The following CCDC171 variants were observed in gnomAD, a reference collection of about 807,000 sequenced individuals.
CCDC171 encodes the protein coiled-coil domain-containing protein 171.
Under a neutral mutation model 168.2 loss-of-function variants are expected in CCDC171, and 177 were observed. That is an observed-to-expected ratio of 1.05 (90% CI 0.93 to 1.19). The LOEUF (loss-of-function observed/expected upper bound fraction) is 1.19. CCDC171 is among the 50% of genes most tolerant of loss of function. The probability of loss-of-function intolerance (pLI) is 0.00; values close to 1 mark genes in which losing one functional copy is unlikely to be tolerated. For missense variants in CCDC171, 1,991 were observed against 1,539.0 expected (o/e 1.29, Z -4.91); for synonymous variants, 687 against 540.8 (o/e 1.27, Z -3.75).
intron 3 of CCDC171, among the ~76,000 whole-genome samples, chr9:16,016,213 C>T (rs572184022): frequency 2.6e-5 from 4 of 152,120 alleles, no homozygotes; most frequent in African/African-American, 9.6e-5. Context: ...GCAGTATATC[C>T]TGTCAAATTT....
chr9:15,714,698 A>G (rs2134086281), intron 11 of CCDC171, among the ~76,000 whole-genome samples: 1 of 152,224 alleles, frequency 6.6e-6, no homozygotes, highest in South Asian at 2.1e-4. Flanking sequence ...GCTAACAGAG[A>G]CCCATCGTCT....
chr9:15,980,275 A>G (rs1269593630), intron 3 of CCDC171, among the ~76,000 whole-genome samples: 1 of 152,192 alleles, frequency 6.6e-6, no homozygotes, highest in Non-Finnish European at 1.5e-5. Flanking sequence ...TCTGCCCCCG[A>G]ATTCAAACAA....
At chr9:16,022,910 T>C (rs1425185036) in intron 6 of CCDC171, 2 of 152,228 alleles carry the variant, frequency 1.3e-5, no homozygotes, top group Non-Finnish European at 2.9e-5. Context: ...TGATGCATGG[T>C]AAGCAACCTT....
chr9:15,635,660 C>T (rs2046145857), intron 7 of CCDC171, among the ~76,000 whole-genome samples: 3 of 152,194 alleles, frequency 2.0e-5, no homozygotes, highest in Admixed American at 2.0e-4. Context: ...AGGAACATTA[C>T]ATCCTTTAAT....
In CCDC171 at chr9:15,858,970, A is replaced by G. The variant is rs751505111; in HGVS notation, c.3468+10023A>G. Among the ~76,000 whole-genome samples, 5 of 152,184 alleles carry G rather than the reference A, an allele frequency of 3.3e-5. No individual in the cohort carries two copies. The South Asian group carries it at 6.2e-4, about 19-fold the overall frequency. On this transcript the variant is annotated intron_variant, in intron 23 of 25. Coordinates refer to ENST00000380701, the MANE Select transcript of CCDC171 (RefSeq NM_173550.4). ...ACATCCTTACCTTGTTCATGATTTT[A>G]GAGGAAAAGCTTTAAGTTTTTAATC... is the stretch of plus-strand genomic sequence containing the variant.
intron 18 of CCDC171, among the ~76,000 whole-genome samples, chr9:15,774,316 C>T (rs1588422304): frequency 7.6e-6 from 1 of 131,366 alleles, no homozygotes; most frequent in African/African-American, 2.8e-5. Context: ...ATAGACAATT[C>T]TCAAAAGATA....
intron 25 of CCDC171, among the ~76,000 whole-genome samples, chr9:15,949,338 G>GT (rs1828830865): frequency 6.6e-6 from 1 of 152,100 alleles, no homozygotes; most frequent in Admixed American, 6.6e-5. Context: ...CTTTAAAGTA[G>GT]TTTTTTCCAA....
chr9:15,977,581 T>C (rs1831662439), downstream of CCDC171, among the ~76,000 whole-genome samples: 1 of 152,216 alleles, frequency 6.6e-6, no homozygotes, highest in South Asian at 2.1e-4. Flanking sequence ...GTTAATGTTA[T>C]CTGAAGACAG....
intron 3 of CCDC171, among the ~76,000 whole-genome samples, chr9:15,989,915 A>G (rs1409315475): frequency 6.6e-5 from 10 of 152,234 alleles, no homozygotes; most frequent in Non-Finnish European, 1.5e-4. Context: ...CCTCCAAGAA[A>G]TATGGGACTA....
chr9:15,565,075 C>T (rs891528507), intron 2 of CCDC171, among the ~76,000 whole-genome samples: 2 of 144,392 alleles, frequency 1.4e-5, no homozygotes, highest in African/African-American at 5.0e-5. Context: ...TTTGAAGCTA[C>T]CCACCCCCCA....
chr9:16,091,180 G>C, the CCDC171 span, among the ~76,000 whole-genome samples: 507 of 152,188 alleles, frequency 3.3e-3, 4 homozygotes, highest in African/African-American at 0.012. Flanking sequence ...TGTCCTCCTT[G>C]AACCCCTCCT....
intron 1 of CCDC171, among the ~76,000 whole-genome samples, chr9:16,058,357 C>A (rs576523617): frequency 2.0e-5 from 3 of 152,272 alleles, no homozygotes; most frequent in Admixed American, 6.5e-5. Context: ...CTCTTTCCTC[C>A]CTCTATTTCT....
chr9:16,048,766 C>T (rs1281318705), intron 1 of CCDC171, among the ~76,000 whole-genome samples: 2 of 151,980 alleles, frequency 1.3e-5, no homozygotes, highest in African/African-American at 4.8e-5. Context: ...GGGATAATAT[C>T]ATAGTAGCAT....
intron 25 of CCDC171, among the ~76,000 whole-genome samples, chr9:15,929,219 A>C (rs973607819): frequency 1.3e-5 from 2 of 151,750 alleles, no homozygotes; most frequent in African/African-American, 4.8e-5. Flanking sequence ...ATTAAGTTGC[A>C]GAAAATATGG....
chr9:16,059,643 T>C (rs935227922), intron 1 of CCDC171, among the ~76,000 whole-genome samples: 2 of 149,402 alleles, frequency 1.3e-5, no homozygotes, highest in Admixed American at 1.3e-4. Flanking sequence ...GCCTCCCGAG[T>C]AGCTGGGACT....
At chr9:15,794,561 T>G (rs2058456174) in intron 21 of CCDC171, among the ~76,000 whole-genome samples, 1 of 152,120 alleles carries the variant, frequency 6.6e-6, no homozygotes, top group South Asian at 2.1e-4. Flanking sequence ...CATATGACTT[T>G]TCCCACTTAT....
intron 25 of CCDC171, among the ~76,000 whole-genome samples, chr9:15,922,810 G>A (rs573560796): frequency 1.3e-5 from 2 of 151,600 alleles, no homozygotes; most frequent in East Asian, 1.9e-4. Context: ...GCATTTCCCC[G>A]AAGATTAGTG....
intron 5 of CCDC171, 71 bp from the exon 6 acceptor site, chr9:15,593,970 A>G (rs942452365): frequency 9.4e-6 from 10 of 1,060,888 alleles, no homozygotes; most frequent in South Asian, 1.5e-5. Flanking sequence ...CTCTTTGTAC[A>G]TTTAAACTGG....
chr9:15,992,441 T>C (rs931730929), intron 3 of CCDC171, among the ~76,000 whole-genome samples: 1 of 152,200 alleles, frequency 6.6e-6, no homozygotes, highest in Non-Finnish European at 1.5e-5. Flanking sequence ...ATGGGATGTA[T>C]CTCAAAATAA....
Sources: allele counts gnomAD v4.1 joint callset (sites outside exome capture counted in the v4.1 genomes callset), GRCh38; gene constraint gnomAD v4.1.1; transcripts MANE v1.5; gene names NCBI Gene and HGNC (gene_info 2026-07-23, HGNC 2026-07-21).